Variants in KCNJ6 observed in about 807,000 individuals in gnomAD.
KCNJ6 encodes G protein-activated inward rectifier potassium channel 2.
KCNJ6 carries 9 observed loss-of-function variants against 34.2 expected under a neutral mutation model. The ratio of observed to expected loss-of-function variants is 0.26; its 90% CI spans 0.16 to 0.46. The LOEUF is 0.46. KCNJ6 is among the 20% of genes least tolerant of loss of function. The pLI, the probability that KCNJ6 is intolerant of heterozygous loss-of-function variation, is 1.00. For missense variants in KCNJ6, 236 were observed against 531.3 expected (o/e 0.44, Z 5.46); for synonymous variants, 196 against 207.1 (o/e 0.95, Z 0.46).
chr21:37,750,285 T>G (rs1439888541), intron 2 of KCNJ6, among the ~76,000 whole-genome samples: 1 of 152,226 alleles, frequency 6.6e-6, no homozygotes, highest in Non-Finnish European at 1.5e-5. Flanking sequence ...TTGGTGGCAG[T>G]GTAAATTAGT....
rs1282934527 is a variant in KCNJ6, at chr21:37,695,488, GT to G, written c.946+18722del. Among the ~76,000 whole-genome samples, 1 of 152,164 alleles carries G rather than the reference GT, an allele frequency of 6.6e-6. No individual in the cohort carries two copies. Among genetic ancestry groups the G allele is most frequent in the Non-Finnish European group, 1.5e-5 (1 of 68,038 alleles). On this transcript the variant is annotated intron_variant, in intron 3 of 3. Coordinates refer to ENST00000609713, the MANE Select transcript of KCNJ6 (RefSeq NM_002240.5). The surrounding 1 kb of genome is among the most constrained non-coding windows in gnomAD (Gnocchi z 4.2). ...GGGTGGCTCTTTGATCCTCCTGCAG[GT>G]GTTAAGAGCTGGGTCTGAGACTTCT... is the stretch of plus-strand genomic sequence containing the variant.
At chr21:37,688,102 G>A (rs2054623512) in intron 3 of KCNJ6, among the ~76,000 whole-genome samples, 1 of 151,500 alleles carries the variant, frequency 6.6e-6, no homozygotes, top group Admixed American at 6.6e-5. Context: ...GATTTTTAAA[G>A]AGCTTGGCAG....
At chr21:37,898,887 G>T (rs2055802847) in intron 1 of KCNJ6, among the ~76,000 whole-genome samples, 1 of 152,164 alleles carries the variant, frequency 6.6e-6, no homozygotes, top group East Asian at 1.9e-4. Context: ...TAGTTTAGGT[G>T]TAATTTACAG....
chr21:37,903,611 A>C, intron 1 of KCNJ6, among the ~76,000 whole-genome samples: 1 of 152,182 alleles, frequency 6.6e-6, no homozygotes, highest in South Asian at 2.1e-4. Context: ...CGGTGTCTGA[A>C]ATGACATGGG....
chr21:37,625,022 G>T lies in KCNJ6; in HGVS notation c.*137C>A, dbSNP rs1417904279. 2 of 683,408 alleles carry T rather than the reference G, an allele frequency of 2.9e-6. No individual in the cohort carries two copies. The highest frequency in any genetic ancestry group is 3.7e-5 in the South Asian group (2 of 53,446). The allele number at this position is 683,408 out of a possible 1,614,324, so 42.3% of individuals were successfully genotyped here. On this transcript the variant is annotated 3_prime_UTR_variant, in exon 4 of 4. Coordinates refer to ENST00000609713, the MANE Select transcript of KCNJ6 (RefSeq NM_002240.5). ...GCAGGTAGATATTTTACACCTTGAA[G>T]ATTTGTTTTCTGGTCATGTAAAAAT...
chr21:37,882,155 A>G (rs1041606465), intron 1 of KCNJ6, among the ~76,000 whole-genome samples: 1 of 152,170 alleles, frequency 6.6e-6, no homozygotes, highest in Admixed American at 6.5e-5. Flanking sequence ...TCACTCCATA[A>G]GCATTTTCTT....
In KCNJ6 at chr21:37,609,511, C is replaced by T. The variant is rs2054235137; in HGVS notation, c.*15648G>A. On this transcript the variant is annotated 3_prime_UTR_variant, in exon 4 of 4. Coordinates refer to ENST00000609713, the MANE Select transcript of KCNJ6 (RefSeq NM_002240.5). ...AGAACAACCCTATATTTTACTGGGC[C>T]ATAGTAAACATTTTGGGCCTTAATA... The T allele has an allele frequency of 6.6e-6, 1 of 152,070 alleles. No homozygotes were observed. The highest frequency in any genetic ancestry group is 6.5e-5 in the Admixed American group (1 of 15,278). The allele number at this position is 152,070 out of a possible 1,614,324, so 9.4% of individuals were successfully genotyped here.
At chr21:37,677,460 A>T (rs1297796328) in intron 3 of KCNJ6, among the ~76,000 whole-genome samples, 4 of 152,154 alleles carry the variant, frequency 2.6e-5, no homozygotes. Context: ...CAGAAATACT[A>T]ACGAGTGCTT....
intron 2 of KCNJ6, among the ~76,000 whole-genome samples, chr21:37,799,947 A>T (rs1156835857): frequency 6.6e-6 from 1 of 152,150 alleles, no homozygotes; most frequent in East Asian, 1.9e-4. Context: ...AAACTATGAA[A>T]ATGTGTTTTT....
chr21:37,860,309 C>T (rs2055588151), intron 1 of KCNJ6, among the ~76,000 whole-genome samples: 1 of 152,164 alleles, frequency 6.6e-6, no homozygotes, highest in Admixed American at 6.5e-5. Flanking sequence ...GACCATGGGG[C>T]TCTGTGTTCT....
At chr21:37,880,607 G>A (rs965092671) in intron 1 of KCNJ6, among the ~76,000 whole-genome samples, 1 of 152,132 alleles carries the variant, frequency 6.6e-6, no homozygotes, top group South Asian at 2.1e-4. Context: ...TCAAGCAAGG[G>A]TTAATCAGAC....
intron 2 of KCNJ6, among the ~76,000 whole-genome samples, chr21:37,834,362 A>T (rs777013966): frequency 2.0e-5 from 3 of 152,146 alleles, no homozygotes; most frequent in Non-Finnish European, 4.4e-5. Context: ...GCCTGGTGGA[A>T]CCCTGATCAT....
chr21:37,721,650 A>G (rs929506089), intron 2 of KCNJ6, among the ~76,000 whole-genome samples: 2 of 152,264 alleles, frequency 1.3e-5, no homozygotes, highest in Non-Finnish European at 2.9e-5. Flanking sequence ...CATTATTTAA[A>G]TGAAATAAAC....
intron 1 of KCNJ6, among the ~76,000 whole-genome samples, chr21:37,855,038 C>G (rs1185046447): frequency 6.6e-6 from 1 of 152,210 alleles, no homozygotes; most frequent in Non-Finnish European, 1.5e-5. Context: ...ATTTGCCACA[C>G]AACAACAGCA....
chr21:37,909,979 T>G (rs1303139237), intron 1 of KCNJ6, among the ~76,000 whole-genome samples: 1 of 152,174 alleles, frequency 6.6e-6, no homozygotes, highest in African/African-American at 2.4e-5. Flanking sequence ...CAATGGAATG[T>G]GAGTGGATAA....
At chr21:37,715,396 C>A (rs1179212673) in intron 2 of KCNJ6, among the ~76,000 whole-genome samples, 1 of 152,204 alleles carries the variant, frequency 6.6e-6, no homozygotes, top group African/African-American at 2.4e-5. Context: ...TGTGTCCCTG[C>A]CAGCAGGTTC....
chr21:37,794,961 G>A (rs1220451422), intron 2 of KCNJ6, among the ~76,000 whole-genome samples: 5 of 152,042 alleles, frequency 3.3e-5, no homozygotes, highest in African/African-American at 7.2e-5. Context: ...ATGCAATTCC[G>A]CCCATGAATG....
chr21:37,874,569 A>G (rs1252009103), intron 1 of KCNJ6, among the ~76,000 whole-genome samples: 2 of 152,242 alleles, frequency 1.3e-5, no homozygotes, highest in African/African-American at 4.8e-5. Flanking sequence ...TATGCATTCA[A>G]AAGTCTTTCT....
chr21:37,684,209 G>A (rs762711426), intron 3 of KCNJ6, among the ~76,000 whole-genome samples: 5 of 152,164 alleles, frequency 3.3e-5, no homozygotes, highest in East Asian at 1.9e-4. Flanking sequence ...GGCTGTGAAG[G>A]GAGGTCTGGT....
Sources: gnomAD v4.1 joint callset for allele counts (sites outside exome capture counted in the v4.1 genomes callset) on GRCh38, gnomAD v4.1.1 for gene constraint, Gnocchi (gnomAD v3.1) non-coding constraint, MANE v1.5 for transcripts, NCBI Gene and HGNC (gene_info 2026-07-23, HGNC 2026-07-21) for gene names.